The following HEG1 variants were observed in gnomAD, a reference collection of about 807,000 sequenced individuals.
The protein encoded by HEG1 is heart development protein with EGF like domains 1.
A neutral mutation model predicts 125.6 loss-of-function variants in HEG1; 56 were observed. That is an observed-to-expected ratio of 0.45 (90% CI 0.36 to 0.56). The LOEUF is 0.56. Among genes scored for constraint, HEG1 ranks in the 20% least tolerant of loss-of-function variants. The pLI, the probability that HEG1 is intolerant of heterozygous loss-of-function variation, is 0.00. For synonymous variants in HEG1, 644 were observed against 668.5 expected, an observed-to-expected ratio of 0.96 and a Z score of 0.57; for missense variants, 1,523 against 1,670.0, an observed-to-expected ratio of 0.91 and a Z score of 1.53.
chr3:125,008,336 T>C (rs1937102245), intron 8 of HEG1, among the ~76,000 whole-genome samples: 1 of 152,258 alleles, frequency 6.6e-6, no homozygotes, highest in Non-Finnish European at 1.5e-5. Flanking sequence ...TTTGGTAGGG[T>C]ACTTCTTAAA....
intron 2 of HEG1, among the ~76,000 whole-genome samples, chr3:125,028,749 T>C (rs1236015418): frequency 6.6e-6 from 1 of 152,154 alleles, no homozygotes; most frequent in African/African-American, 2.4e-5. Context: ...TCTTCCTCCG[T>C]GCAATTTTAC....
In HEG1 at chr3:124,970,030, T is replaced by C. The variant is rs1324983742; in HGVS notation, c.*622A>G. 1 of 152,252 alleles carries C rather than the reference T, an allele frequency of 6.6e-6. No individual in the cohort carries two copies. The highest frequency in any genetic ancestry group is 1.5e-5 in the Non-Finnish European group (1 of 68,094). The allele number at this position is 152,252 out of a possible 1,614,324, so 9.4% of individuals were successfully genotyped here. A position where few individuals can be genotyped will look rare whatever the true frequency, so the allele number is the denominator to read the frequency against. ...TGCGGTGCCTCACACATTTCCTCAC[T>C]GTGGGGGCTGGCTTGGAAACTGTAG... On this transcript the variant is annotated 3_prime_UTR_variant, in exon 17 of 17. Transcript: ENST00000311127.
chr3:125,037,428 A>G (rs1218579229), intron 1 of HEG1, among the ~76,000 whole-genome samples: 1 of 152,226 alleles, frequency 6.6e-6, no homozygotes, highest in African/African-American at 2.4e-5. Flanking sequence ...TGTAGGTAGG[A>G]GTTCCAGTGA....
chr3:124,992,082 G>T (rs1321470762), intron 12 of HEG1, among the ~76,000 whole-genome samples: 2 of 152,178 alleles, frequency 1.3e-5, no homozygotes, highest in African/African-American at 4.8e-5. Context: ...ATGAGAAGGG[G>T]GGGAGCTGTA....
At position 125,007,963 on chromosome 3, in the gene HEG1, G is replaced by A. The variant is rs747222835; in HGVS notation, c.3193+1742C>T. ...CTCACTGTGCAGCCCAGGCTGGAAT[G>A]TAGTGATACAATCTCGACTCACCAC... On this transcript the variant is annotated intron_variant, in intron 8 of 16. Transcript: ENST00000311127. Among the ~76,000 whole-genome samples the A allele has an allele frequency of 2.8e-4, 43 of 151,492 alleles. 1 individual carries two copies. Among genetic ancestry groups the A allele is most frequent in the Non-Finnish European group, 4.7e-4 (32 of 67,926 alleles).
At chr3:125,042,230 C>A (rs548717980) in intron 1 of HEG1, among the ~76,000 whole-genome samples, 3 of 152,260 alleles carry the variant, frequency 2.0e-5, no homozygotes, top group East Asian at 3.9e-4. Context: ...GAGTTCGAGA[C>A]CAGCCTGGCC....
chr3:125,041,955 G>A (rs962723748), intron 1 of HEG1, among the ~76,000 whole-genome samples: 4 of 152,186 alleles, frequency 2.6e-5, no homozygotes, highest in African/African-American at 9.7e-5. Flanking sequence ...AAGCAGGGAG[G>A]AACAAGAAGT....
chr3:125,021,189 T>C, intron 3 of HEG1, 59 bp from the exon 4 acceptor site: 4 of 1,274,224 alleles, frequency 3.1e-6, no homozygotes, highest in Admixed American at 2.5e-5. Flanking sequence ...ATCCGGACTA[T>C]ATTCGAGATA....
At chr3:125,018,065 T>C (rs949899550) in intron 5 of HEG1, among the ~76,000 whole-genome samples, 1 of 151,826 alleles carries the variant, frequency 6.6e-6, no homozygotes, top group African/African-American at 2.4e-5. Flanking sequence ...TACGACCACA[T>C]ATACACTTGT....
chr3:124,974,975 G>C lies in HEG1; in HGVS notation c.3822-1070C>G, dbSNP rs575183592. Among the ~76,000 whole-genome samples the C allele has an allele frequency of 1.2e-4, 18 of 152,156 alleles. No individual in the cohort carries two copies. In the South Asian group the frequency reaches 2.3e-3, roughly 19 times the overall value. On this transcript the variant is annotated intron_variant, in intron 15 of 16. Coordinates refer to ENST00000311127, the MANE Select transcript of HEG1 (RefSeq NM_020733.2). ...CAGGCACAGGCTCCTTCCCCAAATG[G>C]GTACACCACACAGTACAGAACACGT... is the stretch of plus-strand genomic sequence containing the variant.
At chr3:124,997,593 G>A (rs1345385131) in intron 12 of HEG1, 96 bp downstream of exon 12, 11 of 1,247,656 alleles carry the variant, frequency 8.8e-6, no homozygotes, top group African/African-American at 4.5e-5. Flanking sequence ...GAATGGTCAC[G>A]CCTAAGCAAA....
chr3:124,996,309 C>T (rs1936923389), intron 12 of HEG1, among the ~76,000 whole-genome samples: 1 of 152,084 alleles, frequency 6.6e-6, no homozygotes, highest in Non-Finnish European at 1.5e-5. Flanking sequence ...GTCTCCAACT[C>T]CCGATCTCAG....
chr3:125,008,317 T>A (rs556553369), intron 8 of HEG1, among the ~76,000 whole-genome samples: 87 of 152,398 alleles, frequency 5.7e-4, no homozygotes, highest in Admixed American at 1.6e-3. Flanking sequence ...TTCAAAATTC[T>A]ACCATTATTT....
intron 1 of HEG1, among the ~76,000 whole-genome samples, chr3:125,042,199 G>C (rs1050853635): frequency 3.3e-5 from 5 of 152,176 alleles, no homozygotes; most frequent in Non-Finnish European, 7.3e-5. Context: ...AGGCCGAGGC[G>C]GGTGGATCAC....
intron 5 of HEG1, chr3:125,014,752 G>T: frequency 7.8e-7 from 1 of 1,287,402 alleles, no homozygotes; most frequent in South Asian, 1.2e-5. Flanking sequence ...CGTGAGACCA[G>T]GCCCATGTCG....
intron 1 of HEG1, among the ~76,000 whole-genome samples, chr3:125,043,064 A>G (rs1937608120): frequency 6.6e-6 from 1 of 152,240 alleles, no homozygotes; most frequent in South Asian, 2.1e-4. Context: ...CAGCCCTAAG[A>G]AAAATCAAGC....
intron 5 of HEG1, 37 bp from the exon 6 acceptor site, chr3:125,014,027 GAAC>G (rs763366306): frequency 6.5e-7 from 1 of 1,533,288 alleles, no homozygotes. Context: ...TCAAATAAAA[GAAC>G]AACAAAACTC....
At chr3:124,986,267 A>G (rs6438865) in intron 14 of HEG1, among the ~76,000 whole-genome samples, 105,841 of 152,138 alleles carry the variant, frequency 0.7, 36,871 homozygotes, top group Middle Eastern at 0.76. Context: ...TGTGCCCTAA[A>G]AAGCCTGCAT....
chr3:125,051,510 G>C (rs1486342339), intron 1 of HEG1, among the ~76,000 whole-genome samples: 2 of 152,202 alleles, frequency 1.3e-5, no homozygotes, highest in Non-Finnish European at 2.9e-5. Context: ...AACCTCTCCA[G>C]GCTACTGTTT....
Sources: gnomAD v4.1 joint callset for allele counts (sites outside exome capture counted in the v4.1 genomes callset) on GRCh38, gnomAD v4.1.1 for gene constraint, MANE v1.5 for transcripts, NCBI Gene and HGNC (gene_info 2026-07-23, HGNC 2026-07-21) for gene names.